Variants in UST observed in about 807,000 individuals in gnomAD.
UST encodes chondroitin sulfate 2-O-sulfotransferase.
UST carries 21 observed loss-of-function variants against 45.6 expected under a neutral mutation model. That is an observed-to-expected ratio of 0.46 (90% CI 0.33 to 0.66). The LOEUF (loss-of-function observed/expected upper bound fraction) is 0.66. UST is among the 30% of genes least tolerant of loss of function. UST has a pLI of 0.02. For synonymous variants in UST, 215 were observed against 200.6 expected (o/e 1.07, Z -0.61); for missense variants, 463 against 512.4 (o/e 0.90, Z 0.93).
rs1310726998 is a variant in UST, at chr6:149,076,412, C to T, written c.*2296C>T. ...AATTGGTCGTTCAAAAACATTCATC[C>T]TCTTACTGCAAGTTTATCTGGGTAC... is the stretch of plus-strand genomic sequence containing the variant. On this transcript the variant is annotated 3_prime_UTR_variant, in exon 8 of 8. Transcript: ENST00000367463. The T allele has an allele frequency of 6.6e-6, 1 of 152,188 alleles. No individual in the cohort carries two copies. The highest frequency in any genetic ancestry group is 1.5e-5 in the Non-Finnish European group (1 of 68,034). The allele number at this position is 152,188 out of a possible 1,614,324, so 9.4% of individuals were successfully genotyped here.
chr6:148,843,670 C>T (rs1040783003), intron 1 of UST, among the ~76,000 whole-genome samples: 3 of 152,236 alleles, frequency 2.0e-5, no homozygotes, highest in African/African-American at 7.2e-5. Flanking sequence ...CCAGACCCAG[C>T]TCTGTCTACC....
At chr6:148,798,228 A>C (rs926030735) in intron 1 of UST, among the ~76,000 whole-genome samples, 10 of 152,224 alleles carry the variant, frequency 6.6e-5, no homozygotes, top group Admixed American at 3.9e-4. Flanking sequence ...ACTCAGGGTG[A>C]GTCTAACCAC....
chr6:148,813,374 A>G (rs1777295014), intron 1 of UST, among the ~76,000 whole-genome samples: 1 of 146,744 alleles, frequency 6.8e-6, no homozygotes, highest in African/African-American at 2.5e-5. Flanking sequence ...AATAGTTCCT[A>G]TAACAGAATA....
chr6:148,759,568 G>T (rs767966088), intron 1 of UST, among the ~76,000 whole-genome samples: 3 of 146,770 alleles, frequency 2.0e-5, no homozygotes, highest in Non-Finnish European at 4.5e-5. Flanking sequence ...AAAAGAATGC[G>T]GCGTACGCGG....
chr6:149,004,965 T>C (rs961413420), intron 5 of UST, among the ~76,000 whole-genome samples: 1 of 151,458 alleles, frequency 6.6e-6, no homozygotes, highest in African/African-American at 2.4e-5. Flanking sequence ...CCTGAGTAGC[T>C]GGGACTACAG....
Position 148,849,410 on chromosome 6 carries a change from A to G in UST, c.248-37576A>G, listed in dbSNP as rs184700768. Among the ~76,000 whole-genome samples the G allele has an allele frequency of 5.1e-4, 77 of 152,332 alleles. No individual in the cohort carries two copies. In the East Asian group the frequency reaches 0.013, roughly 26 times the overall value. ...CATCTAGTTGAAAAAGGCAATATTA[A>G]TAGACATTTGGAAACTCCTTTTGCC... On this transcript the variant is annotated intron_variant, in intron 1 of 7. Coordinates refer to ENST00000367463, the MANE Select transcript of UST (RefSeq NM_005715.3).
chr6:148,993,657 T>G lies in UST; in HGVS notation c.682-25482T>G, dbSNP rs189903830. 1.8e-3 allele frequency among the ~76,000 whole-genome samples: 279 copies of G among 152,280 alleles called. 1 individual carries two copies. Among genetic ancestry groups the G allele is most frequent in the African/African-American group, 6.4e-3 (265 of 41,562 alleles). The stretch of plus-strand genomic sequence containing the variant: ...GAAGTGATCAGATCATTGACGCAAA[T>G]TTTTCATGAATGGTTTAGCAGCGAC... On this transcript the variant is annotated intron_variant, in intron 5 of 7. Coordinates refer to ENST00000367463, the MANE Select transcript of UST (RefSeq NM_005715.3).
At chr6:149,001,072 CTTTT>C (rs71554430) in intron 5 of UST, among the ~76,000 whole-genome samples, 2 of 136,352 alleles carry the variant, frequency 1.5e-5, no homozygotes, top group African/African-American at 2.7e-5. Context: ...GGAGATGATT[CTTTT>C]TTTTTTTTTT....
chr6:148,961,124 A>T (rs1174128184), intron 4 of UST, among the ~76,000 whole-genome samples: 1 of 152,238 alleles, frequency 6.6e-6, no homozygotes, highest in Non-Finnish European at 1.5e-5. Flanking sequence ...ATCAAAAAAA[A>T]TGAGTAAAAA....
intron 1 of UST, among the ~76,000 whole-genome samples, chr6:148,789,145 T>C (rs1479722102): frequency 6.6e-6 from 1 of 152,226 alleles, no homozygotes; most frequent in Non-Finnish European, 1.5e-5. Flanking sequence ...TTTAAGCTAC[T>C]AGGTTCTTGG....
intron 2 of UST, among the ~76,000 whole-genome samples, chr6:148,938,014 T>C (rs965705263): frequency 6.6e-6 from 1 of 152,258 alleles, no homozygotes; most frequent in African/African-American, 2.4e-5. Context: ...TCTGGACTTC[T>C]GTAATTGTTG....
At chr6:148,846,573 T>C (rs1422386244) in intron 1 of UST, among the ~76,000 whole-genome samples, 1 of 151,608 alleles carries the variant, frequency 6.6e-6, no homozygotes, top group Non-Finnish European at 1.5e-5. Flanking sequence ...ATTGTGCACA[T>C]GTACCCTAAA....
intron 7 of UST, chr6:149,027,655 G>A (rs535328830): frequency 1.3e-5 from 2 of 152,254 alleles, no homozygotes; most frequent in African/African-American, 4.8e-5. Flanking sequence ...TAGCTGGAGA[G>A]TTCCTCCTTC....
chr6:148,800,857 A>T (rs536076818), intron 1 of UST, among the ~76,000 whole-genome samples: 1 of 148,888 alleles, frequency 6.7e-6, no homozygotes, highest in South Asian at 2.1e-4. Flanking sequence ...ACCCTGAGGG[A>T]ATTCAAGAAG....
At chr6:148,913,134 A>G (rs930918333) in intron 2 of UST, among the ~76,000 whole-genome samples, 4 of 152,192 alleles carry the variant, frequency 2.6e-5, no homozygotes, top group Non-Finnish European at 5.9e-5. Context: ...TTGCAATGCC[A>G]TTGGCTTTTA....
intron 4 of UST, among the ~76,000 whole-genome samples, chr6:148,960,015 G>A (rs1008494097): frequency 6.6e-6 from 1 of 151,990 alleles, no homozygotes; most frequent in Non-Finnish European, 1.5e-5. Context: ...TTGGCTGGGC[G>A]CAGTGACTGA....
chr6:148,888,094 T>C (rs1057219371), intron 2 of UST, among the ~76,000 whole-genome samples: 6 of 152,146 alleles, frequency 3.9e-5, no homozygotes, highest in African/African-American at 1.4e-4. Flanking sequence ...GGAAGCATGA[T>C]AGAGGCATCT....
intron 5 of UST, among the ~76,000 whole-genome samples, chr6:149,012,951 G>GATT (rs1300298202): frequency 1.3e-5 from 2 of 152,094 alleles, no homozygotes; most frequent in Non-Finnish European, 2.9e-5. Context: ...TGGTATAAAT[G>GATT]ATTTCTAATC....
intron 1 of UST, among the ~76,000 whole-genome samples, chr6:148,829,886 A>C (rs1777649911): frequency 6.6e-6 from 1 of 152,210 alleles, no homozygotes; most frequent in African/African-American, 2.4e-5. Context: ...TGTTTTAAAA[A>C]GTAATTTCAT....
Sources: allele counts gnomAD v4.1 joint callset (sites outside exome capture counted in the v4.1 genomes callset), GRCh38; gene constraint gnomAD v4.1.1; transcripts MANE v1.5; gene names NCBI Gene and HGNC (gene_info 2026-07-23, HGNC 2026-07-21).